GRIN2B: variants seen among roughly 807,000 people sequenced by gnomAD.
GRIN2B encodes the protein glutamate receptor ionotropic, NMDA 2B.
Under a neutral mutation model 114.5 loss-of-function variants are expected in GRIN2B, and 5 were observed. The ratio of observed to expected loss-of-function variants is 0.04; its 90% CI spans 0.02 to 0.09. The LOEUF is 0.09. GRIN2B is among the 10% of genes least tolerant of loss of function. The pLI is 1.00. For missense variants in GRIN2B, 1,108 were observed against 1,943.5 expected, an observed-to-expected ratio of 0.57 and a Z score of 8.08; for synonymous variants, 787 against 745.1, an observed-to-expected ratio of 1.06 and a Z score of -0.92.
intron 2 of GRIN2B, among the ~76,000 whole-genome samples, chr12:13,882,687 G>T (rs1028272092): frequency 6.6e-6 from 1 of 152,038 alleles, no homozygotes; most frequent in African/African-American, 2.4e-5. Context: ...TACTAAATGG[G>T]CCTGACAAAG....
chr12:13,621,613 GTTTTTTT>G (rs869106790), intron 5 of GRIN2B, among the ~76,000 whole-genome samples: 7 of 72,400 alleles, frequency 9.7e-5, no homozygotes, highest in African/African-American at 3.9e-4. Flanking sequence ...CCTAGTTTTT[GTTTTTTT>G]TTTTTTTTTT....
At chr12:13,885,917 G>C (rs1377728118) in intron 2 of GRIN2B, among the ~76,000 whole-genome samples, 1 of 152,126 alleles carries the variant, frequency 6.6e-6, no homozygotes, top group African/African-American at 2.4e-5. Flanking sequence ...GGCAAAATTG[G>C]CCAATATTTA....
intron 5 of GRIN2B, among the ~76,000 whole-genome samples, chr12:13,623,689 C>T (rs1488402669): frequency 2.6e-5 from 4 of 151,938 alleles, no homozygotes; most frequent in Non-Finnish European, 4.4e-5. Flanking sequence ...TGATAGTAAC[C>T]CTTCATCTCT....
intron 2 of GRIN2B, among the ~76,000 whole-genome samples, chr12:13,947,618 A>G (rs1162727143): frequency 1.3e-5 from 2 of 152,170 alleles, no homozygotes; most frequent in Admixed American, 1.3e-4. Flanking sequence ...TGGGTGTTCT[A>G]CATTGTATGT....
At chr12:13,947,076 A>G (rs1242493301) in intron 2 of GRIN2B, among the ~76,000 whole-genome samples, 1 of 152,194 alleles carries the variant, frequency 6.6e-6, no homozygotes, top group Non-Finnish European at 1.5e-5. Flanking sequence ...ATAGTAGGAA[A>G]CTGATAATCT....
chr12:13,720,553 C>T (rs1950498959), intron 4 of GRIN2B, among the ~76,000 whole-genome samples: 1 of 152,102 alleles, frequency 6.6e-6, no homozygotes, highest in South Asian at 2.1e-4. Context: ...CCCTTATTGG[C>T]TTCCTTCTAC....
chr12:13,685,604 G>C (rs1397844793), intron 4 of GRIN2B, among the ~76,000 whole-genome samples: 3 of 152,128 alleles, frequency 2.0e-5, no homozygotes, highest in Admixed American at 1.3e-4. Flanking sequence ...CTTTAGGGGA[G>C]ACAGGCATGT....
intron 3 of GRIN2B, among the ~76,000 whole-genome samples, chr12:13,828,258 T>C (rs1046737886): frequency 4.6e-5 from 7 of 152,244 alleles, no homozygotes; most frequent in East Asian, 1.9e-4. Context: ...CTCTAAGATA[T>C]GGCTCTTCTG....
At chr12:13,645,885 G>A (rs1408037449) in intron 5 of GRIN2B, among the ~76,000 whole-genome samples, 1 of 152,112 alleles carries the variant, frequency 6.6e-6, no homozygotes, top group Non-Finnish European at 1.5e-5. Flanking sequence ...GAAAGAGAAG[G>A]GGGTGACTCT....
At chr12:13,981,757 A>C (rs1863142449), upstream of GRIN2B, among the ~76,000 whole-genome samples, 1 of 143,550 alleles carries the variant, frequency 7.0e-6, no homozygotes. Flanking sequence ...GCAGCCGGAG[A>C]GGGAGAGCAG....
intron 4 of GRIN2B, among the ~76,000 whole-genome samples, chr12:13,711,188 A>T (rs1041797177): frequency 5.9e-5 from 9 of 151,848 alleles, no homozygotes; most frequent in Non-Finnish European, 1.2e-4. Flanking sequence ...TAGAAAGCTG[A>T]AACTGGATCC....
chr12:13,665,078 T>A (rs1248834285), intron 5 of GRIN2B, among the ~76,000 whole-genome samples: 3 of 152,070 alleles, frequency 2.0e-5, no homozygotes, highest in African/African-American at 7.2e-5. Flanking sequence ...CAAAGAAACA[T>A]GTTCTTTCCT....
chr12:13,838,118 A>G (rs896477922), intron 3 of GRIN2B, among the ~76,000 whole-genome samples: 1 of 152,210 alleles, frequency 6.6e-6, no homozygotes, highest in Non-Finnish European at 1.5e-5. Flanking sequence ...AAATGTGCAA[A>G]AGGCTACATA....
Position 13,546,998 on chromosome 12 carries a change from C to G in GRIN2B, c.*15785G>C, listed in dbSNP as rs1438237817. On this transcript the variant is annotated 3_prime_UTR_variant, in exon 14 of 14. Coordinates refer to ENST00000609686, the MANE Select transcript of GRIN2B (RefSeq NM_000834.5). ...GAGTTGAAGCACTCAGGAACAAGAC[C>G]TCATTTGCCTGCTTGTCATTCTTTC... The G allele has an allele frequency of 2.0e-5, 3 of 152,142 alleles. No individual in the cohort carries two copies. The highest frequency in any genetic ancestry group is 2.9e-5 in the Non-Finnish European group (2 of 68,034). The allele number at this position is 152,142 out of a possible 1,614,324, so 9.4% of individuals were successfully genotyped here.
chr12:13,544,269 G>T lies in GRIN2B; in HGVS notation c.*18514C>A, dbSNP rs1948317884. On this transcript the variant is annotated 3_prime_UTR_variant, in exon 14 of 14. Coordinates refer to ENST00000609686, the MANE Select transcript of GRIN2B (RefSeq NM_000834.5). ...AGGTCATCAATGGGATGACCTCCAT[G>T]TTTCCAGATAGTCTTATCCTACTCA... 6.6e-6 allele frequency: 1 copy of T among 152,046 alleles called. No homozygotes were observed. Among genetic ancestry groups the T allele is most frequent in the African/African-American group, 2.4e-5 (1 of 41,378 alleles). 9.4% of individuals were successfully genotyped at this position (152,046 alleles called of 1,614,324 possible).
At chr12:13,960,711 A>G (rs1867673179) in intron 2 of GRIN2B, among the ~76,000 whole-genome samples, 1 of 152,222 alleles carries the variant, frequency 6.6e-6, no homozygotes. Context: ...AGAAGCAGAG[A>G]AAACAGAACT....
chr12:13,637,623 G>A (rs117320429), intron 5 of GRIN2B, among the ~76,000 whole-genome samples: 138 of 152,204 alleles, frequency 9.1e-4, no homozygotes, highest in Middle Eastern at 6.8e-3. Context: ...AAATGATAAC[G>A]ATAATCACGA....
At chr12:13,811,802 C>T (rs1419668853) in intron 3 of GRIN2B, among the ~76,000 whole-genome samples, 1 of 152,096 alleles carries the variant, frequency 6.6e-6, no homozygotes, top group African/African-American at 2.4e-5. Flanking sequence ...TGATAAAATG[C>T]TTCTAGTTTG....
Position 13,551,620 on chromosome 12 carries a change from T to C in GRIN2B, c.*11163A>G, listed in dbSNP as rs1476025720. On this transcript the variant is annotated 3_prime_UTR_variant, in exon 14 of 14. Transcript: ENST00000609686. ...AACACTTTCATCTACCATAACATGA[T>C]TGACATAGGAAATTTGGATCTATTT... 1 of 152,206 alleles carries C rather than the reference T, an allele frequency of 6.6e-6. No individual in the cohort carries two copies. Among genetic ancestry groups the C allele is most frequent in the Admixed American group, 6.5e-5 (1 of 15,280 alleles). 9.4% of individuals were successfully genotyped at this position (152,206 alleles called of 1,614,324 possible).
Sources: allele counts gnomAD v4.1 joint callset (sites outside exome capture counted in the v4.1 genomes callset), GRCh38; gene constraint gnomAD v4.1.1; transcripts MANE v1.5; gene names NCBI Gene and HGNC (gene_info 2026-07-23, HGNC 2026-07-21).